Variants in DNAJC18 observed in about 807,000 individuals in gnomAD.
DNAJC18 encodes the protein dnaJ homolog subfamily C member 18.
In DNAJC18, 40 loss-of-function variants were observed where a neutral mutation model predicts 48.6. The observed-to-expected ratio is 0.82, with a 90% CI of 0.64 to 1.07. The LOEUF is 1.07. Ranked by LOEUF, DNAJC18 falls within the 50% of genes least tolerant of loss-of-function variation. The probability of loss-of-function intolerance (pLI) is 0.00; values close to 1 mark genes in which losing one functional copy is unlikely to be tolerated. For synonymous variants in DNAJC18, 135 were observed against 152.2 expected, an observed-to-expected ratio of 0.89 and a Z score of 0.83; for missense variants, 340 against 427.7, an observed-to-expected ratio of 0.79 and a Z score of 1.81.
chr5:139,427,815 A>G (rs1759266032), intron 3 of DNAJC18, among the ~76,000 whole-genome samples: 1 of 152,230 alleles, frequency 6.6e-6, no homozygotes, highest in Non-Finnish European at 1.5e-5. Flanking sequence ...TTTTGGAAGA[A>G]CAGATCAGTA....
At chr5:139,425,996 T>A (rs955022493) in intron 4 of DNAJC18, among the ~76,000 whole-genome samples, 176 bp downstream of exon 4, 12 of 152,168 alleles carry the variant, frequency 7.9e-5, no homozygotes, top group African/African-American at 2.7e-4. Flanking sequence ...AATGATTTGG[T>A]CAAAATTATG....
Position 139,414,218 on chromosome 5 carries a change from TTC to T in DNAJC18, c.1005_1006del (p.Lys336SerfsTer7). 1 of 1,614,186 alleles carries T rather than the reference TTC, an allele frequency of 6.2e-7. No individual in the cohort carries two copies. Among genetic ancestry groups the T allele is most frequent in the Non-Finnish European group, 8.5e-7 (1 of 1,180,030 alleles). On this transcript the variant is annotated frameshift_variant, in exon 8 of 8. Coordinates refer to ENST00000302060, the MANE Select transcript of DNAJC18 (RefSeq NM_152686.4). LOFTEE classifies it high-confidence loss of function. The stretch of plus-strand genomic sequence containing the variant: ...GTTTTCAAGTTTCAGCGACTCTGCT[TTC>T]TGTTTCAATCGTTCATCTCTGTATA...
chr5:139,437,605 T>A, intron 1 of DNAJC18, 47 bp from the exon 2 acceptor site: 2 of 1,560,178 alleles, frequency 1.3e-6, no homozygotes, highest in Non-Finnish European at 1.7e-6. Flanking sequence ...ACCCTGAAAA[T>A]CAACTTTGCA....
At chr5:139,427,149 T>C (rs1759257210) in intron 3 of DNAJC18, among the ~76,000 whole-genome samples, 1 of 152,218 alleles carries the variant, frequency 6.6e-6, no homozygotes, top group Admixed American at 6.5e-5. Context: ...AGTAGAAACC[T>C]TCCTGCTTGA....
chr5:139,434,762 G>GTC (rs1254296768), intron 2 of DNAJC18, among the ~76,000 whole-genome samples: 4 of 152,048 alleles, frequency 2.6e-5, no homozygotes, highest in Non-Finnish European at 5.9e-5. Context: ...GTGTGTGTGT[G>GTC]TGTGTGTATT....
Position 139,437,486 on chromosome 5 carries a change from C to A in DNAJC18, c.113G>T (p.Cys38Phe). 6.2e-7 allele frequency: 1 copy of A among 1,614,182 alleles called. No individual in the cohort carries two copies. The highest frequency in any genetic ancestry group is 1.1e-5 in the South Asian group (1 of 91,070). Reference protein sequence around the residue: ...TPPESHDPCGCCNCMKAQKEK... With the variant: ...TPPESHDPCGFCNCMKAQKEK... ...CTTTTGTGCCTTCATGCAGTTACAG[C>A]AGCCACAGGGGTCATGACTCTCAGG... is the stretch of plus-strand genomic sequence containing the variant. The change falls in exon 2 of 8, where the codon TGC becomes TTC. Residue 38 changes from cysteine (C) to phenylalanine (F), a missense_variant. By Grantham distance (205) the Cys-to-Phe change is radical (BLOSUM62 -2). Coordinates refer to ENST00000302060, the MANE Select transcript of DNAJC18 (RefSeq NM_152686.4).
intron 6 of DNAJC18, among the ~76,000 whole-genome samples, chr5:139,420,896 T>C (rs1250154381): frequency 1.3e-5 from 2 of 152,088 alleles, no homozygotes; most frequent in Non-Finnish European, 2.9e-5. Flanking sequence ...ACAGAAATGG[T>C]TTTCTTCAAA....
In DNAJC18 at chr5:139,429,679, C is replaced by T. The variant is rs1759299630; in HGVS notation, c.228-996G>A. On this transcript the variant is annotated intron_variant, in intron 2 of 7. Transcript: ENST00000302060. ...GTGGCTCACTCTTGTAATACCAGTG[C>T]TTTGGGAGGCTGAGGCAGGAGGACT... Among the ~76,000 whole-genome samples the T allele has an allele frequency of 2.0e-5, 3 of 152,038 alleles. No homozygotes were observed. The South Asian group carries it at 6.2e-4, about 32-fold the overall frequency.
At chr5:139,417,568 ATTTT>A (rs762169642) in intron 7 of DNAJC18, among the ~76,000 whole-genome samples, 6 of 114,466 alleles carry the variant, frequency 5.2e-5, no homozygotes, top group Non-Finnish European at 5.5e-5. Context: ...TACTCACTGG[ATTTT>A]TTTTTTTTTT....
At chr5:139,431,888 G>A (rs1304090053) in intron 2 of DNAJC18, among the ~76,000 whole-genome samples, 2 of 152,074 alleles carry the variant, frequency 1.3e-5, no homozygotes, top group African/African-American at 4.8e-5. Flanking sequence ...ATTCCAGTGG[G>A]TATATCTCAT....
chr5:139,424,745 A>AAAAAAAAAAAAAAC, intron 5 of DNAJC18, among the ~76,000 whole-genome samples: 1 of 150,276 alleles, frequency 6.7e-6, no homozygotes, highest in African/African-American at 2.4e-5. Context: ...AAAAAAAAAA[A>AAAAAAAAAAAAAAC]AAAAAGCCTT....
rs1182867209 is a variant in DNAJC18, at chr5:139,414,281, T to C, written c.953-9A>G. The C allele has an allele frequency of 6.2e-7, 1 of 1,607,824 alleles. No homozygotes were observed. Among genetic ancestry groups the C allele is most frequent in the Non-Finnish European group, 8.5e-7 (1 of 1,177,968 alleles). On this transcript the variant is annotated splice_polypyrimidine_tract_variant and intron_variant, in intron 7 of 7. Transcript: ENST00000302060. ...ATTTGTCAGCTCTGACTCTGAAAGA[T>C]AAAAGAGGTAACCAATTCATCAAGA...
In DNAJC18 at chr5:139,420,053, T is replaced by C; in HGVS notation, c.952A>G (p.Lys318Glu). The change falls in exon 7 of 8, where the codon AAG becomes GAG. Residue 318 changes from lysine (K) to glutamate (E), a missense_variant and splice_region_variant. Coordinates refer to ENST00000302060, the MANE Select transcript of DNAJC18 (RefSeq NM_152686.4). ...TAATGCCCCTTTTACAGTATCTTAC[T>C]TTGTTGTTTCTCCTTCCAACAACTA... ...QTSCWKEKQQ[K>E]SELTNLAGLY... 2 of 1,571,502 alleles carry C rather than the reference T, an allele frequency of 1.3e-6. No homozygotes were observed. The highest frequency in any genetic ancestry group is 1.7e-6 in the Non-Finnish European group (2 of 1,164,190).
chr5:139,424,982 A>G, intron 5 of DNAJC18, 23 bp downstream of exon 5: 1 of 1,599,182 alleles, frequency 6.3e-7, no homozygotes, highest in Non-Finnish European at 8.6e-7. Context: ...TATGGGCAGC[A>G]GTGCTCCTCC....
At chr5:139,434,306 C>G (rs1384384142) in intron 2 of DNAJC18, among the ~76,000 whole-genome samples, 1 of 152,060 alleles carries the variant, frequency 6.6e-6, no homozygotes, top group East Asian at 1.9e-4. Flanking sequence ...AACTGTATCT[C>G]TTTTTTAAAA....
In DNAJC18 at chr5:139,420,036, C is replaced by T; in HGVS notation, c.952+17G>A. On this transcript the variant is annotated intron_variant, in intron 7 of 7. Coordinates refer to ENST00000302060, the MANE Select transcript of DNAJC18 (RefSeq NM_152686.4). ...GAACCACAGCCACCAGCTAATGCCC[C>T]TTTTACAGTATCTTACTTTGTTGTT... 1.3e-6 allele frequency: 2 copies of T among 1,544,918 alleles called. No homozygotes were observed. The highest frequency in any genetic ancestry group is 2.2e-5 in the Admixed American group (1 of 45,602).
At chr5:139,421,363 C>A (rs1437146374) in intron 6 of DNAJC18, among the ~76,000 whole-genome samples, 1 of 151,420 alleles carries the variant, frequency 6.6e-6, no homozygotes, top group Non-Finnish European at 1.5e-5. Context: ...GCATGAGAAT[C>A]GCTTGAACCT....
chr5:139,415,301 G>GAA (rs1759055439), intron 7 of DNAJC18, among the ~76,000 whole-genome samples: 1 of 152,130 alleles, frequency 6.6e-6, no homozygotes, highest in African/African-American at 2.4e-5. Context: ...TTAGCCAGGG[G>GAA]GAACAATGGG....
rs1759177931 is a variant in DNAJC18 at position 139,422,905 on chromosome 5, G to A, written c.670-88C>T. ...GGCTGGAGTGCAGTGGTGCGATCTCGGCTCACTGCAAGCTCCGCCTCTCGG... is the reference window on the plus strand; with the variant it reads ...GGCTGGAGTGCAGTGGTGCGATCTCAGCTCACTGCAAGCTCCGCCTCTCGG... On this transcript the variant is annotated intron_variant, in intron 5 of 7. Coordinates refer to ENST00000302060, the MANE Select transcript of DNAJC18 (RefSeq NM_152686.4). 14 of 794,970 alleles carry A rather than the reference G, an allele frequency of 1.8e-5. No homozygotes were observed. In the South Asian group the frequency reaches 2.2e-4, roughly 12 times the overall value. 49.2% of individuals were successfully genotyped at this position (794,970 alleles called of 1,614,324 possible). A position where few individuals can be genotyped will look rare whatever the true frequency, so the allele number is the denominator to read the frequency against.
Sources: allele counts gnomAD v4.1 joint callset (sites outside exome capture counted in the v4.1 genomes callset), GRCh38; gene constraint gnomAD v4.1.1; transcripts MANE v1.5; gene names NCBI Gene and HGNC (gene_info 2026-07-23, HGNC 2026-07-21).